Variants in CRTAC1 observed in about 807,000 individuals in gnomAD.
The protein encoded by CRTAC1 is acidic secreted protein in cartilage.
A neutral mutation model predicts 67.8 loss-of-function variants in CRTAC1; 37 were observed. That is an observed-to-expected ratio of 0.55 (90% CI 0.42 to 0.72). The LOEUF (loss-of-function observed/expected upper bound fraction) is 0.72. Among genes scored for constraint, CRTAC1 ranks in the 30% least tolerant of loss-of-function variants. CRTAC1 has a pLI of 0.00. For missense variants in CRTAC1, 780 were observed against 931.6 expected (o/e 0.84, Z 2.12); for synonymous variants, 348 against 371.0 (o/e 0.94, Z 0.71).
At chr10:97,907,770 G>T (rs1200442168) in intron 6 of CRTAC1, among the ~76,000 whole-genome samples, 2 of 152,182 alleles carry the variant, frequency 1.3e-5, no homozygotes, top group African/African-American at 4.8e-5. Context: ...GGTACTGGAA[G>T]ATGGCAATTG....
At chr10:97,934,426 T>C (rs1481086688) in intron 3 of CRTAC1, among the ~76,000 whole-genome samples, 1 of 152,184 alleles carries the variant, frequency 6.6e-6, no homozygotes, top group Non-Finnish European at 1.5e-5. Flanking sequence ...CTGTGGCTCA[T>C]TGTTTCTTGG....
chr10:98,025,605 TG>T (rs1410338913), intron 1 of CRTAC1, among the ~76,000 whole-genome samples: 1 of 152,232 alleles, frequency 6.6e-6, no homozygotes, highest in Non-Finnish European at 1.5e-5. Flanking sequence ...GTGTTTGGTG[TG>T]ATAATGAACC....
chr10:97,967,422 A>G (rs1354708105), intron 2 of CRTAC1, among the ~76,000 whole-genome samples: 1 of 152,166 alleles, frequency 6.6e-6, no homozygotes, highest in Non-Finnish European at 1.5e-5. Context: ...CATTTCTCCA[A>G]GGAACCTTGT....
chr10:97,904,637 T>C, intron 7 of CRTAC1, 32 bp downstream of exon 7: 4 of 1,491,742 alleles, frequency 2.7e-6, no homozygotes, highest in Non-Finnish European at 3.6e-6. Context: ...GACAGGCTGG[T>C]CTTGAACTCC....
At chr10:98,018,231 A>AG (rs1554936674) in intron 1 of CRTAC1, among the ~76,000 whole-genome samples, 4 of 142,146 alleles carry the variant, frequency 2.8e-5, no homozygotes, top group Non-Finnish European at 6.0e-5. Context: ...AAAAAAAAAA[A>AG]AGAGAGAGAG....
chr10:98,009,430 T>C (rs1018649023), intron 2 of CRTAC1, among the ~76,000 whole-genome samples: 3 of 152,144 alleles, frequency 2.0e-5, no homozygotes, highest in South Asian at 2.1e-4. Context: ...AAGAAATGAA[T>C]AGACAAAATA....
At chr10:98,013,667 G>C (rs1285897599) in intron 1 of CRTAC1, among the ~76,000 whole-genome samples, 1 of 152,164 alleles carries the variant, frequency 6.6e-6, no homozygotes, top group East Asian at 1.9e-4. Context: ...AAAATTCTAT[G>C]ATGAATTAAA....
At chr10:98,024,795 CCACACACACACA>C (rs112213274) in intron 1 of CRTAC1, among the ~76,000 whole-genome samples, 3 of 118,514 alleles carry the variant, frequency 2.5e-5, no homozygotes, top group Non-Finnish European at 5.0e-5. Context: ...CACCTCTCCA[CCACACACACACA>C]CACACACACA....
chr10:97,910,358 G>A (rs542093394), intron 5 of CRTAC1, among the ~76,000 whole-genome samples: 1 of 152,328 alleles, frequency 6.6e-6, no homozygotes, highest in African/African-American at 2.4e-5. Context: ...TCAGAGCCAG[G>A]TCTGAGAAGC....
At chr10:97,963,567 T>C (rs2051562007) in intron 2 of CRTAC1, among the ~76,000 whole-genome samples, 1 of 152,226 alleles carries the variant, frequency 6.6e-6, no homozygotes, top group Admixed American at 6.5e-5. Flanking sequence ...ATTGTAGGTG[T>C]ACAATAAATG....
intron 1 of CRTAC1, among the ~76,000 whole-genome samples, chr10:98,022,951 GT>G (rs944926103): frequency 3.9e-5 from 6 of 152,016 alleles, no homozygotes; most frequent in African/African-American, 1.5e-4. Context: ...TACGTGTCAA[GT>G]TTTTTCCCTA....
chr10:97,873,539 T>C (rs1433962923), intron 14 of CRTAC1, among the ~76,000 whole-genome samples: 1 of 152,094 alleles, frequency 6.6e-6, no homozygotes, highest in Non-Finnish European at 1.5e-5. Context: ...CCATAAGCAG[T>C]TGGGGAAAGA....
chr10:97,949,741 G>T (rs1166271319), intron 2 of CRTAC1, among the ~76,000 whole-genome samples: 3 of 152,218 alleles, frequency 2.0e-5, no homozygotes, highest in Admixed American at 1.3e-4. Context: ...CTCTTCAGCT[G>T]TGTGGGTGCT....
intron 11 of CRTAC1, among the ~76,000 whole-genome samples, chr10:97,888,795 G>A (rs2136547009): frequency 6.6e-6 from 1 of 152,276 alleles, no homozygotes; most frequent in African/African-American, 2.4e-5. Flanking sequence ...GAGCAGAAGA[G>A]CGCCCCCCAT....
rs573922827 is a variant in CRTAC1 at position 97,940,785 on chromosome 10, C to T, written c.225-4419G>A. Among the ~76,000 whole-genome samples the T allele has an allele frequency of 3.8e-4, 58 of 152,278 alleles. 1 individual carries two copies. The South Asian group carries it at 6.2e-3, about 16-fold the overall frequency. ...ATACCTCACAGGATGGCTGTGAGGACGAGGTGCCAGAGTGTGTGTGACAAC... is the reference window on the plus strand; with the variant it reads ...ATACCTCACAGGATGGCTGTGAGGATGAGGTGCCAGAGTGTGTGTGACAAC... On this transcript the variant is annotated intron_variant, in intron 2 of 14. Transcript: ENST00000370597.
chr10:97,967,372 G>A (rs1251914192), intron 2 of CRTAC1, among the ~76,000 whole-genome samples: 1 of 152,052 alleles, frequency 6.6e-6, no homozygotes, highest in African/African-American at 2.4e-5. Flanking sequence ...GATGCTCCAG[G>A]CTCACTTTGT....
intron 3 of CRTAC1, among the ~76,000 whole-genome samples, chr10:97,930,049 G>A (rs1412019637): frequency 2.0e-5 from 3 of 152,264 alleles, no homozygotes; most frequent in Non-Finnish European, 2.9e-5. Flanking sequence ...ATCAGCTCCC[G>A]CCAGGCACTT....
At chr10:97,907,934 G>A in intron 6 of CRTAC1, 79 bp downstream of exon 6, 1 of 1,500,924 alleles carries the variant, frequency 6.7e-7, no homozygotes, top group East Asian at 2.3e-5. Flanking sequence ...CTATCCTGGA[G>A]GGGGCAGGGC....
intron 1 of CRTAC1, among the ~76,000 whole-genome samples, chr10:98,018,364 G>A (rs1005419054): frequency 2.0e-5 from 3 of 152,032 alleles, no homozygotes; most frequent in Non-Finnish European, 2.9e-5. Flanking sequence ...CTGTACCATG[G>A]AGATCGTATG....
Sources: allele counts gnomAD v4.1 joint callset (sites outside exome capture counted in the v4.1 genomes callset), GRCh38; gene constraint gnomAD v4.1.1; transcripts MANE v1.5; gene names NCBI Gene and HGNC (gene_info 2026-07-23, HGNC 2026-07-21).